The following ANK3 variants were observed in gnomAD, a reference collection of about 807,000 sequenced individuals.
ANK3 encodes ankyrin-3.
ANK3 carries 57 observed loss-of-function variants against 370.9 expected under a neutral mutation model. That is an observed-to-expected ratio of 0.15 (90% CI 0.12 to 0.19). The LOEUF (loss-of-function observed/expected upper bound fraction) is 0.19. Ranked by LOEUF, ANK3 falls within the 10% of genes least tolerant of loss-of-function variation. The pLI is 1.00. For missense variants in ANK3, 4,439 were observed against 5,302.1 expected (o/e 0.84, Z 5.06); for synonymous variants, 1,929 against 1,946.3 (o/e 0.99, Z 0.23).
intron 1 of ANK3, among the ~76,000 whole-genome samples, chr10:60,688,573 T>A (rs757366900): frequency 6.6e-6 from 1 of 152,166 alleles, no homozygotes; most frequent in Non-Finnish European, 1.5e-5. Context: ...TAATATTCCA[T>A]TTTGTGAATA....
chr10:60,200,582 G>C (rs1184966308), intron 12 of ANK3, among the ~76,000 whole-genome samples: 22 of 152,118 alleles, frequency 1.4e-4, no homozygotes, highest in Admixed American at 1.4e-3. Flanking sequence ...GCCCACACCT[G>C]CGCTGAAGCA....
rs545510277 is a variant in ANK3, at chr10:60,116,249, T to C, written c.2842-1918A>G. ...CCTTTACTGGTCTCCCAGACACAGC[T>C]GGGGACAGAGTTCTAGGCAAAAAAT... On this transcript the variant is annotated intron_variant, in intron 25 of 43. Transcript: ENST00000280772. 2.0e-5 allele frequency among the ~76,000 whole-genome samples: 3 copies of C among 152,258 alleles called. No individual in the cohort carries two copies. The South Asian group carries it at 6.2e-4, about 32-fold the overall frequency.
At chr10:60,310,545 A>G (rs185277153) in intron 1 of ANK3, among the ~76,000 whole-genome samples, 4 of 152,226 alleles carry the variant, frequency 2.6e-5, no homozygotes, top group African/African-American at 9.6e-5. Context: ...TAATAGTTTA[A>G]TGCAAGGAAC....
At chr10:60,699,741 C>G (rs968833789) in intron 1 of ANK3, among the ~76,000 whole-genome samples, 2 of 152,014 alleles carry the variant, frequency 1.3e-5, no homozygotes, top group Admixed American at 1.3e-4. Context: ...TCTCAAAGAT[C>G]TTAGTTCATA....
At chr10:60,298,954 A>C (rs1304255122) in intron 1 of ANK3, among the ~76,000 whole-genome samples, 1 of 152,234 alleles carries the variant, frequency 6.6e-6, no homozygotes, top group Non-Finnish European at 1.5e-5. Flanking sequence ...AATACACATC[A>C]AAATTTAACA....
chr10:60,124,069 T>C (rs1185174476), intron 25 of ANK3, among the ~76,000 whole-genome samples: 1 of 152,228 alleles, frequency 6.6e-6, no homozygotes, highest in Non-Finnish European at 1.5e-5. Context: ...GAGAATGGAA[T>C]GACCCAAGTA....
intron 2 of ANK3, among the ~76,000 whole-genome samples, chr10:60,404,103 AT>A (rs2063405629): frequency 6.6e-6 from 1 of 152,204 alleles, no homozygotes; most frequent in Non-Finnish European, 1.5e-5. Flanking sequence ...TTAAAGATCT[AT>A]ATTAAGGTAA....
intron 2 of ANK3, among the ~76,000 whole-genome samples, chr10:60,518,771 A>C (rs1220252612): frequency 6.6e-6 from 1 of 150,686 alleles, no homozygotes; most frequent in African/African-American, 2.4e-5. Context: ...AAGACTACCA[A>C]GGGCTTGAAT....
In ANK3 at chr10:60,065,311, A is replaced by T. The variant is rs191218605; in HGVS notation, c.12320-1023T>A. Reference sequence around the variant, plus strand: ...GGAAACTTAGGAGTCAGAGAAGGGAAGGAGACTTAGTTCCCACTGTATTTT... The same window carrying T: ...GGAAACTTAGGAGTCAGAGAAGGGATGGAGACTTAGTTCCCACTGTATTTT... On this transcript the variant is annotated intron_variant, in intron 38 of 43. Coordinates refer to ENST00000280772, the MANE Select transcript of ANK3 (RefSeq NM_020987.5). Among the ~76,000 whole-genome samples the T allele has an allele frequency of 4.6e-5, 7 of 152,364 alleles. No homozygotes were observed. The East Asian group carries it at 1.3e-3, about 29-fold the overall frequency.
intron 2 of ANK3, among the ~76,000 whole-genome samples, chr10:60,607,332 G>T (rs991443317): frequency 3.9e-5 from 6 of 151,972 alleles, no homozygotes; most frequent in Admixed American, 2.6e-4. Flanking sequence ...GTAAGGATTG[G>T]GACTAAAATT....
At chr10:60,093,756 T>C (rs1170162610) in intron 28 of ANK3, among the ~76,000 whole-genome samples, 2 of 152,154 alleles carry the variant, frequency 1.3e-5, no homozygotes, top group Admixed American at 1.3e-4. Context: ...AAAGTGAACA[T>C]GTACATTTCA....
chr10:60,151,048 T>G (rs2095088862), intron 23 of ANK3, among the ~76,000 whole-genome samples: 1 of 152,160 alleles, frequency 6.6e-6, no homozygotes, highest in Non-Finnish European at 1.5e-5. Flanking sequence ...TACTTTAAAT[T>G]AGGGTATTAA....
At chr10:60,086,114 A>G (rs1425319535) in intron 30 of ANK3, among the ~76,000 whole-genome samples, 1 of 152,236 alleles carries the variant, frequency 6.6e-6, no homozygotes, top group African/African-American at 2.4e-5. Context: ...TAGGATAATC[A>G]AAGGATGAAT....
At chr10:60,672,758 G>A (rs1320970786) in intron 1 of ANK3, among the ~76,000 whole-genome samples, 2 of 152,204 alleles carry the variant, frequency 1.3e-5, no homozygotes, top group Admixed American at 6.5e-5. Context: ...CAGAAGCATA[G>A]GTGACAATCT....
intron 2 of ANK3, among the ~76,000 whole-genome samples, chr10:60,438,533 G>A (rs910299607): frequency 2.6e-5 from 4 of 152,190 alleles, no homozygotes; most frequent in African/African-American, 9.7e-5. Flanking sequence ...AATGCCAAGT[G>A]TGGGGAAGAG....
intron 4 of ANK3, among the ~76,000 whole-genome samples, chr10:60,273,649 T>G (rs2098036879): frequency 6.6e-6 from 1 of 152,210 alleles, no homozygotes; most frequent in Non-Finnish European, 1.5e-5. Flanking sequence ...TGATATGATT[T>G]GGCTGTGTCC....
intron 2 of ANK3, among the ~76,000 whole-genome samples, chr10:60,599,892 C>T (rs1037691674): frequency 7.9e-5 from 12 of 152,148 alleles, no homozygotes; most frequent in African/African-American, 2.7e-4. Flanking sequence ...CTCTCTTCTA[C>T]AACTCTGGCT....
intron 1 of ANK3, among the ~76,000 whole-genome samples, chr10:60,632,848 C>G (rs918624476): frequency 2.0e-5 from 3 of 151,878 alleles, no homozygotes; most frequent in African/African-American, 7.3e-5. Context: ...TACCACTGCA[C>G]TCCAGCCTGG....
chr10:60,218,059 G>A (rs2096969888), intron 8 of ANK3, among the ~76,000 whole-genome samples: 1 of 150,610 alleles, frequency 6.6e-6, no homozygotes, highest in Non-Finnish European at 1.5e-5. Context: ...TGTTTTGTCA[G>A]AGACTAGGAT....
Sources: allele counts gnomAD v4.1 joint callset (sites outside exome capture counted in the v4.1 genomes callset), GRCh38; gene constraint gnomAD v4.1.1; transcripts MANE v1.5; gene names NCBI Gene and HGNC (gene_info 2026-07-23, HGNC 2026-07-21).